The following PID1 variants were observed in gnomAD, a reference collection of about 807,000 sequenced individuals.
PID1 encodes the protein phosphotyrosine interaction domain containing 1.
A neutral mutation model predicts 19.1 loss-of-function variants in PID1; 10 were observed. The observed-to-expected ratio is 0.52, with a 90% CI of 0.32 to 0.89. PID1 has a LOEUF of 0.89. Ranked by LOEUF, PID1 falls within the 40% of genes least tolerant of loss-of-function variation. The pLI, the probability that PID1 is intolerant of heterozygous loss-of-function variation, is 0.03. For missense variants in PID1, 248 were observed against 285.3 expected (o/e 0.87, Z 0.94); for synonymous variants, 130 against 116.0 (o/e 1.12, Z -0.78).
chr2:229,201,683 T>A (rs1012745743), intron 1 of PID1, among the ~76,000 whole-genome samples: 10 of 152,186 alleles, frequency 6.6e-5, no homozygotes, highest in African/African-American at 2.4e-4. Flanking sequence ...CTATTTTTAG[T>A]TTTTTGAGGA....
chr2:229,114,324 G>A (rs760255389), intron 2 of PID1, among the ~76,000 whole-genome samples: 43 of 152,016 alleles, frequency 2.8e-4, no homozygotes, highest in Non-Finnish European at 5.1e-4. Flanking sequence ...TATTTAAGAA[G>A]TGCAGCTGTC....
chr2:229,054,205 C>A (rs980900009), intron 2 of PID1, among the ~76,000 whole-genome samples: 1 of 152,156 alleles, frequency 6.6e-6, no homozygotes, highest in Non-Finnish European at 1.5e-5. Flanking sequence ...AACTGATACA[C>A]CCATCAGGGG....
chr2:229,061,242 T>C (rs1694206752), intron 2 of PID1, among the ~76,000 whole-genome samples: 1 of 152,144 alleles, frequency 6.6e-6, no homozygotes, highest in Non-Finnish European at 1.5e-5. Context: ...TTTCAGGCCT[T>C]TCTCTTTAGT....
chr2:229,050,358 A>G (rs1693969255), intron 2 of PID1, among the ~76,000 whole-genome samples: 1 of 152,222 alleles, frequency 6.6e-6, no homozygotes, highest in South Asian at 2.1e-4. Flanking sequence ...GCAGAGCTCT[A>G]GTGCTCTGCC....
chr2:229,104,280 G>C (rs1272471275), intron 2 of PID1, among the ~76,000 whole-genome samples: 1 of 152,146 alleles, frequency 6.6e-6, no homozygotes, highest in Non-Finnish European at 1.5e-5. Context: ...GGGTAAGTAT[G>C]AATTAGCCTG....
chr2:229,106,036 G>A (rs947385466), intron 2 of PID1, among the ~76,000 whole-genome samples: 14 of 140,616 alleles, frequency 1.0e-4, no homozygotes, highest in East Asian at 2.0e-4. Context: ...CTGAGATTGC[G>A]CCACTGCATT....
At chr2:229,174,741 A>G (rs1690783446) in intron 1 of PID1, among the ~76,000 whole-genome samples, 1 of 149,634 alleles carries the variant, frequency 6.7e-6, no homozygotes. Context: ...AAAAAAAAAG[A>G]AAGAGAGTAC....
chr2:229,251,370 C>T (rs910193834), intron 1 of PID1, among the ~76,000 whole-genome samples: 2 of 151,556 alleles, frequency 1.3e-5, no homozygotes, highest in South Asian at 2.1e-4. Flanking sequence ...TTCCAAGATC[C>T]GTTGGTCAAG....
At chr2:229,155,746 C>A in intron 2 of PID1, 72 bp downstream of exon 2, 1 of 1,327,440 alleles carries the variant, frequency 7.5e-7, no homozygotes. Flanking sequence ...CATTGTGAAA[C>A]ATAGGTCTCA....
intron 2 of PID1, among the ~76,000 whole-genome samples, chr2:229,046,426 C>T (rs894907347): frequency 4.7e-5 from 7 of 150,530 alleles, no homozygotes; most frequent in Non-Finnish European, 7.4e-5. Flanking sequence ...CCAAAAAACG[C>T]ACTTTGTGGT....
intron 1 of PID1, among the ~76,000 whole-genome samples, chr2:229,196,081 T>C (rs1691372120): frequency 6.6e-6 from 1 of 152,006 alleles, no homozygotes; most frequent in African/African-American, 2.4e-5. Context: ...TATACAACAC[T>C]AAAAGTAAAA....
chr2:229,126,126 C>T (rs138584568), intron 2 of PID1, among the ~76,000 whole-genome samples: 1 of 152,284 alleles, frequency 6.6e-6, no homozygotes, highest in African/African-American at 2.4e-5. Flanking sequence ...AAGAGCCACA[C>T]CACTTGCCAG....
intron 1 of PID1, among the ~76,000 whole-genome samples, chr2:229,157,738 A>G (rs1690406018): frequency 2.0e-5 from 3 of 152,254 alleles, no homozygotes; most frequent in Admixed American, 6.5e-5. Flanking sequence ...CTTCAAGTTC[A>G]GAAAGAAATT....
At chr2:229,086,102 T>A (rs1694759142) in intron 2 of PID1, among the ~76,000 whole-genome samples, 1 of 152,148 alleles carries the variant, frequency 6.6e-6, no homozygotes, top group African/African-American at 2.4e-5. Flanking sequence ...GCAATATATC[T>A]TTATTTTTAA....
At chr2:229,155,093 A>G (rs1317451292) in intron 2 of PID1, among the ~76,000 whole-genome samples, 1 of 152,246 alleles carries the variant, frequency 6.6e-6, no homozygotes, top group Non-Finnish European at 1.5e-5. Flanking sequence ...TTTGGAGAGT[A>G]TAACTGTTAG....
chr2:229,211,626 A>G (rs577279032), intron 1 of PID1, among the ~76,000 whole-genome samples: 2 of 152,332 alleles, frequency 1.3e-5, no homozygotes, highest in South Asian at 2.1e-4. Flanking sequence ...TCTCTTTTTA[A>G]TGTACATGTG....
intron 2 of PID1, among the ~76,000 whole-genome samples, chr2:229,145,155 G>GTGTATATATATATA (rs1391018424): frequency 3.3e-4 from 40 of 119,932 alleles, no homozygotes; most frequent in African/African-American, 1.3e-3. Context: ...ATATGTATGT[G>GTGTATATATATATA]TATATATATA....
intron 1 of PID1, among the ~76,000 whole-genome samples, chr2:229,251,526 G>A (rs1278547185): frequency 1.3e-5 from 2 of 151,944 alleles, no homozygotes; most frequent in African/African-American, 2.4e-5. Context: ...TCTAAAGCAG[G>A]CTTCTGCTCA....
At chr2:229,249,570 C>A (rs2106282707) in intron 1 of PID1, among the ~76,000 whole-genome samples, 1 of 152,320 alleles carries the variant, frequency 6.6e-6, no homozygotes, top group African/African-American at 2.4e-5. Context: ...CAGCCCTCAG[C>A]TTCTAGGCTT....
Sources: gnomAD v4.1 joint callset for allele counts (sites outside exome capture counted in the v4.1 genomes callset) on GRCh38, gnomAD v4.1.1 for gene constraint, MANE v1.5 for transcripts, NCBI Gene and HGNC (gene_info 2026-07-23, HGNC 2026-07-21) for gene names.